Variants in VPS13B observed in about 807,000 individuals in gnomAD.
The protein encoded by VPS13B is intermembrane lipid transfer protein VPS13B.
VPS13B carries 285 observed loss-of-function variants against 426.4 expected under a neutral mutation model. The observed-to-expected ratio is 0.67, with a 90% CI of 0.61 to 0.74. The LOEUF (loss-of-function observed/expected upper bound fraction) is 0.74, where lower values mean the gene tolerates loss of function less well. VPS13B is among the 30% of genes least tolerant of loss of function. The pLI is 0.00. For synonymous variants in VPS13B, 1,676 were observed against 1,676.4 expected (o/e 1.00, Z 0.01); for missense variants, 4,537 against 4,782.6 (o/e 0.95, Z 1.51).
At chr8:99,847,074 CTT>C (rs888975582) in intron 54 of VPS13B, among the ~76,000 whole-genome samples, 1 of 152,018 alleles carries the variant, frequency 6.6e-6, no homozygotes, top group African/African-American at 2.4e-5. Context: ...AAGAATATCT[CTT>C]TTGTTTTAGA....
At chr8:99,811,684 G>A (rs1323368493) in intron 44 of VPS13B, among the ~76,000 whole-genome samples, 2 of 152,150 alleles carry the variant, frequency 1.3e-5, no homozygotes, top group East Asian at 3.8e-4. Context: ...TGGTTTTAAT[G>A]GTATGTCCTC....
Position 99,819,982 on chromosome 8 carries a change from T to C in VPS13B, c.8854T>C (p.Tyr2952His). 2 of 1,614,046 alleles carry C rather than the reference T, an allele frequency of 1.2e-6. No individual in the cohort carries two copies. Among genetic ancestry groups the C allele is most frequent in the Non-Finnish European group, 1.7e-6 (2 of 1,179,918 alleles). Residue 2952 changes from tyrosine (Y) to histidine (H), a missense_variant, in exon 49 of 62, where the codon TAT becomes CAT. Tyr to His is a moderately conservative substitution (Grantham distance 83). This residue lies in a region of VPS13B where 4,311 missense variants were observed against 4,474.3 expected (regional missense o/e 0.96). Coordinates refer to ENST00000357162, the MANE Select transcript of VPS13B (RefSeq NM_152564.5). ...AGTGAAGCTGTCAATCTGGAAGCCA[T>C]ATGTTAGAACTTTGTTGATAGAACT... ...MRVKLSIWKP[Y>H]VRTLLIELLP...
chr8:99,539,205 T>C (rs1033653975), intron 30 of VPS13B, among the ~76,000 whole-genome samples: 1 of 152,200 alleles, frequency 6.6e-6, no homozygotes, highest in African/African-American at 2.4e-5. Context: ...CTTTCACCAT[T>C]AATTTGTAAA....
At chr8:99,859,582 C>A in intron 57 of VPS13B, 102 bp downstream of exon 57, 1 of 1,467,264 alleles carries the variant, frequency 6.8e-7, no homozygotes, top group Non-Finnish European at 9.2e-7. Flanking sequence ...TTGCCTCTAG[C>A]TTTGTTTGGC....
intron 39 of VPS13B, among the ~76,000 whole-genome samples, chr8:99,728,643 T>C (rs1833455510): frequency 6.6e-6 from 1 of 152,206 alleles, no homozygotes; most frequent in South Asian, 2.1e-4. Flanking sequence ...CTGTGTGTGA[T>C]TGATGAATGC....
chr8:99,615,516 A>G (rs898285812), intron 33 of VPS13B, among the ~76,000 whole-genome samples: 7 of 152,220 alleles, frequency 4.6e-5, no homozygotes, highest in Non-Finnish European at 8.8e-5. Flanking sequence ...AGTAGTTATC[A>G]CTGCTAGAAT....
At chr8:99,678,572 T>C (rs1831034593) in intron 35 of VPS13B, among the ~76,000 whole-genome samples, 2 of 152,016 alleles carry the variant, frequency 1.3e-5, no homozygotes, top group African/African-American at 4.8e-5. Context: ...TGATTCTGTT[T>C]TTTTTTTTTA....
chr8:99,753,407 G>A (rs1487524605), intron 39 of VPS13B, among the ~76,000 whole-genome samples: 2 of 152,108 alleles, frequency 1.3e-5, no homozygotes, highest in African/African-American at 2.4e-5. Flanking sequence ...ACATTTGACT[G>A]CATTTGATAC....
intron 3 of VPS13B, among the ~76,000 whole-genome samples, chr8:99,084,951 C>T (rs921407671): frequency 1.1e-4 from 17 of 152,130 alleles, no homozygotes; most frequent in Admixed American, 5.9e-4. Flanking sequence ...GTGGAGAGTT[C>T]TGTAGATGTC....
intron 17 of VPS13B, chr8:99,233,177 T>C: frequency 7.2e-7 from 1 of 1,396,480 alleles, no homozygotes; most frequent in Non-Finnish European, 1.0e-6. Flanking sequence ...ATTCTGATGA[T>C]CACTTCCTCA....
chr8:99,574,674 A>G (rs1332561321), intron 31 of VPS13B, among the ~76,000 whole-genome samples: 3 of 152,240 alleles, frequency 2.0e-5, no homozygotes, highest in Non-Finnish European at 4.4e-5. Flanking sequence ...GAATACATAA[A>G]GAAGAACTAA....
Position 99,134,792 on chromosome 8 carries a change from G to A in VPS13B, c.1302+65G>A. 4 of 1,344,352 alleles carry A rather than the reference G, an allele frequency of 3.0e-6. No individual in the cohort carries two copies. The African/African-American group carries it at 5.9e-5, about 20-fold the overall frequency. The allele number at this position is 1,344,352 out of a possible 1,614,324, so 83.3% of individuals were successfully genotyped here. ...GTTCTTTAATATTTTATAAATACCT[G>A]TTTTTATCAGATGTAGTGTATTTAA... is the stretch of plus-strand genomic sequence containing the variant. On this transcript the variant is annotated intron_variant, in intron 9 of 61. Coordinates refer to ENST00000357162, the MANE Select transcript of VPS13B (RefSeq NM_152564.5).
chr8:99,813,810 G>A (rs966326871), intron 44 of VPS13B, among the ~76,000 whole-genome samples: 1 of 152,144 alleles, frequency 6.6e-6, no homozygotes, highest in Admixed American at 6.5e-5. Context: ...TTAATTTTTG[G>A]TTCCTCAATC....
At chr8:99,685,006 T>C (rs563997035) in intron 35 of VPS13B, among the ~76,000 whole-genome samples, 4 of 152,354 alleles carry the variant, frequency 2.6e-5, no homozygotes, top group Non-Finnish European at 5.9e-5. Context: ...TTTCCCCATC[T>C]TGGCCAGGCT....
intron 31 of VPS13B, among the ~76,000 whole-genome samples, chr8:99,566,298 G>A (rs535332703): frequency 1.3e-5 from 2 of 152,200 alleles, no homozygotes; most frequent in East Asian, 1.9e-4. Context: ...GGTAGCATAC[G>A]ATAAAATTTT....
At chr8:99,710,702 C>T (rs1406967739) in intron 36 of VPS13B, among the ~76,000 whole-genome samples, 3 of 151,972 alleles carry the variant, frequency 2.0e-5, no homozygotes, top group Non-Finnish European at 4.4e-5. Flanking sequence ...ATTAAGTTAT[C>T]ACAAGCTCTT....
At chr8:99,235,074 G>C (rs1454160741) in intron 17 of VPS13B, among the ~76,000 whole-genome samples, 1 of 152,154 alleles carries the variant, frequency 6.6e-6, no homozygotes, top group African/African-American at 2.4e-5. Context: ...CCATTTCTGT[G>C]TAGATTTTTA....
intron 17 of VPS13B, among the ~76,000 whole-genome samples, chr8:99,206,942 A>G (rs1232363472): frequency 2.6e-5 from 4 of 152,050 alleles, no homozygotes; most frequent in Non-Finnish European, 5.9e-5. Context: ...CATTGGCTAT[A>G]CATTTATTCT....
intron 3 of VPS13B, among the ~76,000 whole-genome samples, chr8:99,055,496 T>C (rs1587973615): frequency 6.6e-6 from 1 of 152,330 alleles, no homozygotes; most frequent in East Asian, 1.9e-4. Context: ...ATCTTAACGA[T>C]GTTAAGTATA....
Sources: gnomAD v4.1 joint callset for allele counts (sites outside exome capture counted in the v4.1 genomes callset) on GRCh38, gnomAD v4.1.1 for gene constraint, gnomAD v4.1.1 regional missense constraint, MANE v1.5 for transcripts, NCBI Gene and HGNC (gene_info 2026-07-23, HGNC 2026-07-21) for gene names.